PPTC7: variants seen among roughly 807,000 people sequenced by gnomAD.
PPTC7 encodes protein phosphatase PTC7 homolog.
PPTC7 carries 6 observed loss-of-function variants against 30.8 expected under a neutral mutation model. The observed-to-expected ratio is 0.19, with a 90% CI of 0.11 to 0.38. The LOEUF (loss-of-function observed/expected upper bound fraction) is 0.38, where lower values mean the gene tolerates loss of function less well. PPTC7 is among the 10% of genes least tolerant of loss of function. The pLI is 1.00. For synonymous variants in PPTC7, 163 were observed against 168.1 expected (o/e 0.97, Z 0.23); for missense variants, 218 against 404.8 (o/e 0.54, Z 3.96).
intron 3 of PPTC7, among the ~76,000 whole-genome samples, chr12:110,545,349 T>A (rs2135765988): frequency 6.6e-6 from 1 of 152,350 alleles, no homozygotes; most frequent in South Asian, 2.1e-4. Flanking sequence ...CGCCTCAGCC[T>A]CCCAAAGTCC....
At chr12:110,582,696 A>C in intron 1 of PPTC7, 113 bp downstream of exon 1, 1 of 903,310 alleles carries the variant, frequency 1.1e-6, no homozygotes, top group Non-Finnish European at 1.6e-6. Context: ...CGCTCCCTCC[A>C]TGTGAGCGCT....
chr12:110,582,830 G>C lies in PPTC7; in HGVS notation c.202C>G (p.His68Asp). 6.4e-7 allele frequency: 1 copy of C among 1,564,032 alleles called. No individual in the cohort carries two copies. Among genetic ancestry groups the C allele is most frequent in the Non-Finnish European group, 8.7e-7 (1 of 1,154,628 alleles). Residue 68 changes from histidine (H) to aspartate (D), a missense_variant, in exon 1 of 6, where the codon CAC (histidine) becomes GAC (aspartate). His to Asp is a moderately conservative substitution (Grantham distance 81, BLOSUM62 -1). Coordinates refer to ENST00000354300, the MANE Select transcript of PPTC7 (RefSeq NM_139283.2). ...TCACCGAGCACGTCCGCGGAACGGTGCCGGGCCACGAAGCACGCGTCGTCC... is the reference window on the plus strand; with the variant it reads ...TCACCGAGCACGTCCGCGGAACGGTCCCGGGCCACGAAGCACGCGTCGTCC... Reference protein sequence around the residue: ...YGDDACFVARHRSADVLGVAD... With the variant: ...YGDDACFVARDRSADVLGVAD...
chr12:110,578,187 AC>A (rs753074296), intron 1 of PPTC7, among the ~76,000 whole-genome samples: 3 of 152,200 alleles, frequency 2.0e-5, no homozygotes, highest in Non-Finnish European at 4.4e-5. Flanking sequence ...TCTAAGTGTT[AC>A]AATTCTCAAC....
chr12:110,554,353 T>C (rs1055922975), intron 1 of PPTC7, among the ~76,000 whole-genome samples: 6 of 152,050 alleles, frequency 3.9e-5, no homozygotes, highest in African/African-American at 1.4e-4. Context: ...TTTGTTTGTC[T>C]GGCAATACAG....
intron 1 of PPTC7, among the ~76,000 whole-genome samples, chr12:110,565,186 A>G (rs1565924693): frequency 1.3e-5 from 2 of 151,848 alleles, no homozygotes; most frequent in Non-Finnish European, 2.9e-5. Context: ...TACTCTATAC[A>G]TTGTTCAACT....
In PPTC7 at chr12:110,540,384, C is replaced by CG. The variant is rs887620841; in HGVS notation, c.603-440dup. On this transcript the variant is annotated intron_variant, in intron 3 of 5. Coordinates refer to ENST00000354300, the MANE Select transcript of PPTC7 (RefSeq NM_139283.2). ...TTGTCGAGGCTGGAATGCAGTGGCA[C>CG]GATATAGGCTCACTGCAACCTCTGC... is the stretch of plus-strand genomic sequence containing the variant. Among the ~76,000 whole-genome samples, 89 of 139,066 alleles carry CG rather than the reference C, an allele frequency of 6.4e-4. 2 individuals carry two copies. Among genetic ancestry groups the CG allele is most frequent in the Non-Finnish European group, 1.5e-4 (10 of 65,672 alleles). 91.2% of individuals were successfully genotyped at this position (139,066 alleles called of 152,430 possible). A position where few individuals can be genotyped will look rare whatever the true frequency, so the allele number is the denominator to read the frequency against.
chr12:110,556,827 T>C (rs944179064), intron 1 of PPTC7, among the ~76,000 whole-genome samples: 20 of 152,058 alleles, frequency 1.3e-4, no homozygotes, highest in African/African-American at 4.3e-4. Context: ...ACGGCTCCCA[T>C]AAACACTGCT....
intron 1 of PPTC7, among the ~76,000 whole-genome samples, chr12:110,575,038 C>T (rs938776535): frequency 7.9e-5 from 12 of 151,456 alleles, no homozygotes; most frequent in African/African-American, 2.9e-4. Flanking sequence ...GATCCACCCG[C>T]CTTGGCCTCC....
intron 3 of PPTC7, among the ~76,000 whole-genome samples, chr12:110,540,321 C>CCCTTT (rs377082561): frequency 1.9e-5 from 2 of 105,010 alleles, no homozygotes; most frequent in Non-Finnish European, 3.6e-5. Flanking sequence ...CCCCCCCCGC[C>CCCTTT]TTTTTTTTTT....
chr12:110,573,532 T>C (rs2064557483), intron 1 of PPTC7, among the ~76,000 whole-genome samples: 1 of 152,156 alleles, frequency 6.6e-6, no homozygotes, highest in Non-Finnish European at 1.5e-5. Flanking sequence ...ATGTATTCTG[T>C]TTTTTAATAA....
intron 2 of PPTC7, among the ~76,000 whole-genome samples, chr12:110,548,555 T>C (rs1387652428): frequency 1.3e-5 from 2 of 152,218 alleles, no homozygotes; most frequent in African/African-American, 4.8e-5. Flanking sequence ...CCTAACTCAG[T>C]GCACATCAAC....
intron 1 of PPTC7, among the ~76,000 whole-genome samples, chr12:110,565,469 T>G (rs1034076937): frequency 6.6e-6 from 1 of 152,096 alleles, no homozygotes; most frequent in African/African-American, 2.4e-5. Flanking sequence ...TTGGCCAGGC[T>G]GGTCTTGAAC....
At chr12:110,564,564 C>T (rs2135784837) in intron 1 of PPTC7, among the ~76,000 whole-genome samples, 1 of 152,274 alleles carries the variant, frequency 6.6e-6, no homozygotes, top group Middle Eastern at 3.4e-3. Flanking sequence ...TATTTACCCA[C>T]TGCTTTCTTC....
chr12:110,547,947 AAC>A (rs1352467191), intron 2 of PPTC7, among the ~76,000 whole-genome samples: 1 of 152,150 alleles, frequency 6.6e-6, no homozygotes, highest in African/African-American at 2.4e-5. Flanking sequence ...CTCTACTAAA[AAC>A]ACAAAAAATT....
At chr12:110,568,096 T>G (rs1408870915) in intron 1 of PPTC7, among the ~76,000 whole-genome samples, 1 of 151,310 alleles carries the variant, frequency 6.6e-6, no homozygotes, top group Non-Finnish European at 1.5e-5. Flanking sequence ...CTGACCCCTA[T>G]GCCGACCCTA....
chr12:110,565,617 T>C (rs899497789), intron 1 of PPTC7, among the ~76,000 whole-genome samples: 1 of 152,222 alleles, frequency 6.6e-6, no homozygotes, highest in Non-Finnish European at 1.5e-5. Flanking sequence ...ACAAGAACTA[T>C]TTATGTAAAT....
At chr12:110,549,732 A>G (rs1433425788) in intron 2 of PPTC7, among the ~76,000 whole-genome samples, 1 of 152,196 alleles carries the variant, frequency 6.6e-6, no homozygotes, top group Non-Finnish European at 1.5e-5. Context: ...AGCAAAAACC[A>G]AAGCTTCTAA....
intron 1 of PPTC7, among the ~76,000 whole-genome samples, chr12:110,566,421 C>T (rs2064483413): frequency 6.6e-6 from 1 of 152,190 alleles, no homozygotes; most frequent in Non-Finnish European, 1.5e-5. Context: ...GTTCAAACTC[C>T]AGCCCCAGAA....
At chr12:110,546,769 C>T (rs1451398102) in intron 2 of PPTC7, 3 of 152,352 alleles carry the variant, frequency 2.0e-5, no homozygotes, top group Admixed American at 2.0e-4. Context: ...TAGCAGAGAC[C>T]ACTCTCAAGT....
Sources: allele counts gnomAD v4.1 joint callset (sites outside exome capture counted in the v4.1 genomes callset), GRCh38; gene constraint gnomAD v4.1.1; transcripts MANE v1.5; gene names NCBI Gene and HGNC (gene_info 2026-07-23, HGNC 2026-07-21).